Variants in BTBD1 observed in about 807,000 individuals in gnomAD.
BTBD1 encodes BTB/POZ domain-containing protein 1.
BTBD1 carries 34 observed loss-of-function variants against 48.0 expected under a neutral mutation model. The observed-to-expected ratio is 0.71, with a 90% CI of 0.54 to 0.94. BTBD1 has a LOEUF of 0.94. Among genes scored for constraint, BTBD1 ranks in the 40% least tolerant of loss-of-function variants. The pLI is 0.00. For synonymous variants in BTBD1, 261 were observed against 242.1 expected, an observed-to-expected ratio of 1.08 and a Z score of -0.72; for missense variants, 543 against 625.6, an observed-to-expected ratio of 0.87 and a Z score of 1.41.
At chr15:83,054,290 C>A (rs1023312257) in intron 2 of BTBD1, among the ~76,000 whole-genome samples, 4 of 152,022 alleles carry the variant, frequency 2.6e-5, no homozygotes, top group African/African-American at 9.7e-5. Context: ...GTGAGCCGAA[C>A]TGCACCACTG....
In BTBD1 at chr15:83,055,098, T is replaced by C. The variant is rs149496046; in HGVS notation, c.558+1291A>G. 1.8e-3 allele frequency among the ~76,000 whole-genome samples: 279 copies of C among 152,292 alleles called. 4 individuals are homozygous for C. The East Asian group carries it at 0.049, about 27-fold the overall frequency. On this transcript the variant is annotated intron_variant, in intron 2 of 7. Transcript: ENST00000261721. ...TTTAAAAACAATTTTTACACAGGAT[T>C]ACAACACTGTCTAAAAAGAAAAAAA...
chr15:83,054,347 G>C (rs577688477), intron 2 of BTBD1, among the ~76,000 whole-genome samples: 2 of 151,372 alleles, frequency 1.3e-5, no homozygotes, highest in African/African-American at 4.9e-5. Flanking sequence ...AAAAAAAAGA[G>C]AAAAAAGAAA....
intron 5 of BTBD1, among the ~76,000 whole-genome samples, chr15:83,025,326 C>G (rs62010166): frequency 0.19 from 27,218 of 140,002 alleles, 2,787 homozygotes; most frequent in Admixed American, 0.22. Flanking sequence ...CCATTGCACT[C>G]CAGCCTGGGC....
At chr15:83,042,358 ATATATATATATATATATATGTATG>A (rs2032780920) in intron 3 of BTBD1, among the ~76,000 whole-genome samples, 1 of 116,572 alleles carries the variant, frequency 8.6e-6, no homozygotes. Context: ...TTATATATAT[ATATATATATATATATATATGTATG>A]TATATATTTT....
At chr15:83,029,189 C>A (rs995353260) in intron 5 of BTBD1, among the ~76,000 whole-genome samples, 1 of 152,132 alleles carries the variant, frequency 6.6e-6, no homozygotes, top group African/African-American at 2.4e-5. Context: ...ATAATAGTCC[C>A]ACATCCAACC....
chr15:83,025,873 A>T (rs1319699610), intron 5 of BTBD1, among the ~76,000 whole-genome samples: 3 of 151,786 alleles, frequency 2.0e-5, no homozygotes, highest in Non-Finnish European at 4.4e-5. Flanking sequence ...GGGTTCACGC[A>T]ATTCTCCTGT....
At position 83,018,050 on chromosome 15, in the gene BTBD1, T is replaced by A. The variant is rs201126475; in HGVS notation, c.*17A>T. ...ATTGTATGGTATTATTTAGCCAAGA[T>A]GTATTATAATGCTAAATTATGTATA... On this transcript the variant is annotated 3_prime_UTR_variant, in exon 8 of 8. Transcript: ENST00000261721. 1,025 of 1,553,880 alleles carry A rather than the reference T, an allele frequency of 6.6e-4. 1 individual carries two copies. The highest frequency in any genetic ancestry group is 8.2e-4 in the Non-Finnish European group (931 of 1,137,140).
At chr15:83,042,378 G>A (rs9646237) in intron 3 of BTBD1, among the ~76,000 whole-genome samples, 3,520 of 63,714 alleles carry the variant, frequency 0.055, 102 homozygotes, top group African/African-American at 0.091. Flanking sequence ...ATATATATAT[G>A]TATGTATATA....
intron 1 of BTBD1, among the ~76,000 whole-genome samples, chr15:83,059,771 T>G (rs1402148728): frequency 6.6e-6 from 1 of 152,168 alleles, no homozygotes; most frequent in Non-Finnish European, 1.5e-5. Context: ...GCTTTATGTT[T>G]TTGTAGAGAC....
intron 1 of BTBD1, among the ~76,000 whole-genome samples, chr15:83,060,473 A>T (rs765824447): frequency 6.6e-6 from 1 of 151,892 alleles, no homozygotes; most frequent in Non-Finnish European, 1.5e-5. Context: ...AAAAAAAAAA[A>T]AACAACTTAG....
intron 4 of BTBD1, among the ~76,000 whole-genome samples, chr15:83,039,996 CACACACACACACACACACACGG>C (rs2032715504): frequency 6.7e-6 from 1 of 149,888 alleles, no homozygotes; most frequent in African/African-American, 2.5e-5. Context: ...CACACACACA[CACACACACACACACACACACGG>C]ACACACACAC....
chr15:83,041,514 T>C (rs540887521), intron 4 of BTBD1, among the ~76,000 whole-genome samples: 1 of 152,204 alleles, frequency 6.6e-6, no homozygotes, highest in South Asian at 2.1e-4. Context: ...TAGCTGAGAT[T>C]ACAGGTGCCC....
chr15:83,027,218 G>A (rs1474732935), intron 5 of BTBD1, among the ~76,000 whole-genome samples: 1 of 152,124 alleles, frequency 6.6e-6, no homozygotes, highest in Non-Finnish European at 1.5e-5. Flanking sequence ...CAGGTGTGGT[G>A]GCACATGCCT....
At chr15:83,035,394 A>G (rs947725461) in intron 4 of BTBD1, among the ~76,000 whole-genome samples, 1 of 152,178 alleles carries the variant, frequency 6.6e-6, no homozygotes, top group Non-Finnish European at 1.5e-5. Context: ...GATATAGAAT[A>G]TATTTTCTGA....
intron 4 of BTBD1, among the ~76,000 whole-genome samples, chr15:83,038,576 G>A (rs1044615953): frequency 2.0e-5 from 3 of 151,728 alleles, no homozygotes; most frequent in Non-Finnish European, 4.4e-5. Context: ...CAAAAAAAAA[G>A]CCTAAATAGC....
chr15:83,029,853 A>T, intron 5 of BTBD1: 1 of 359,832 alleles, frequency 2.8e-6, no homozygotes. Flanking sequence ...TGAGTGACAG[A>T]GCGACTCCAT....
chr15:83,049,942 C>A, intron 3 of BTBD1, 131 bp downstream of exon 3: 3 of 517,312 alleles, frequency 5.8e-6, no homozygotes, highest in South Asian at 4.0e-5. Context: ...CAAAAAAAAG[C>A]AAAACTCTTA....
At chr15:83,054,828 G>A (rs1020249265) in intron 2 of BTBD1, among the ~76,000 whole-genome samples, 1 of 152,172 alleles carries the variant, frequency 6.6e-6, no homozygotes. Flanking sequence ...CCAAAGTGCT[G>A]GGATTACAGG....
chr15:83,056,357 C>T (rs1277276133), intron 2 of BTBD1, 32 bp downstream of exon 2: 2 of 1,533,028 alleles, frequency 1.3e-6, no homozygotes, highest in Non-Finnish European at 1.8e-6. Flanking sequence ...TTTAAAACTA[C>T]AATGATACAT....
Sources: gnomAD v4.1 joint callset for allele counts (sites outside exome capture counted in the v4.1 genomes callset) on GRCh38, gnomAD v4.1.1 for gene constraint, MANE v1.5 for transcripts, NCBI Gene and HGNC (gene_info 2026-07-23, HGNC 2026-07-21) for gene names.